Variants in DNTT observed in about 807,000 individuals in gnomAD.
DNTT encodes the protein nucleosidetriphosphate:DNA deoxynucleotidylexotransferase.
Under a neutral mutation model 60.9 loss-of-function variants are expected in DNTT, and 47 were observed. The observed-to-expected ratio is 0.77, with a 90% CI of 0.61 to 0.98. The LOEUF (loss-of-function observed/expected upper bound fraction) is 0.98. DNTT is among the 50% of genes least tolerant of loss of function. The pLI, the probability that DNTT is intolerant of heterozygous loss-of-function variation, is 0.00. For missense variants in DNTT, 665 were observed against 627.5 expected, an observed-to-expected ratio of 1.06 and a Z score of -0.64; for synonymous variants, 224 against 221.2, an observed-to-expected ratio of 1.01 and a Z score of -0.11.
chr10:96,307,703 G>GTATATATATATA lies in DNTT; in HGVS notation c.203+3004_203+3005insATATATATATAT, dbSNP rs1344781767. 1.7e-3 allele frequency among the ~76,000 whole-genome samples: 59 copies of GTATATATATATA among 35,284 alleles called. 2 individuals are homozygous for GTATATATATATA. The highest frequency in any genetic ancestry group is 4.6e-3 in the African/African-American group (53 of 11,562). 23.1% of individuals were successfully genotyped at this position (35,284 alleles called of 152,430 possible). ...TATATATATGTATGTGTGTGTGTGT[G>GTATATATATATA]TGTATATATATATATATATATATAT... On this transcript the variant is annotated intron_variant, in intron 1 of 10. Coordinates refer to ENST00000371174, the MANE Select transcript of DNTT (RefSeq NM_004088.4).
rs76113338 is a variant in DNTT at position 96,335,855 on chromosome 10, C to T, written c.1360-36C>T. The T allele has an allele frequency of 1.2e-3, 1,900 of 1,598,318 alleles. 28 individuals are homozygous for T. In the African/African-American group the frequency reaches 0.022, roughly 19 times the overall value. ...CACCTAATACTGAAGACATTCTAGACGTGTTAATAATTTATTTTAACTATC... is the reference window on the plus strand; with the variant it reads ...CACCTAATACTGAAGACATTCTAGATGTGTTAATAATTTATTTTAACTATC... On this transcript the variant is annotated intron_variant, in intron 9 of 10. Transcript: ENST00000371174.
chr10:96,308,187 G>T (rs1341664914), intron 1 of DNTT, among the ~76,000 whole-genome samples: 1 of 152,082 alleles, frequency 6.6e-6, no homozygotes, highest in African/African-American at 2.4e-5. Context: ...GCTTTACTTG[G>T]GCCTGAACAC....
intron 1 of DNTT, among the ~76,000 whole-genome samples, chr10:96,312,035 A>G (rs1398445309): frequency 6.6e-6 from 1 of 152,248 alleles, no homozygotes; most frequent in Admixed American, 6.5e-5. Flanking sequence ...CTATGATCTG[A>G]GATGCATAAT....
In DNTT at chr10:96,318,363, C is replaced by A; in HGVS notation, c.215C>A (p.Thr72Asn). The stretch of plus-strand genomic sequence containing the variant: ...CTTGCATTTTGCAGTGATTCTGTCA[C>A]CCACATCGTAGCAGAGAACAACTCG... ...RVENELSDSVTHIVAENNSGS... is the reference protein window; with the variant it reads ...RVENELSDSVNHIVAENNSGS... Residue 72 changes from threonine (T) to asparagine (N), a missense_variant, in exon 2 of 11, where the codon ACC (threonine) becomes AAC (asparagine). Coordinates refer to ENST00000371174, the MANE Select transcript of DNTT (RefSeq NM_004088.4). 1 of 1,611,012 alleles carries A rather than the reference C, an allele frequency of 6.2e-7. No homozygotes were observed. Among genetic ancestry groups the A allele is most frequent in the Non-Finnish European group, 8.5e-7 (1 of 1,178,216 alleles).
At chr10:96,328,641 T>C (rs962342004) in intron 7 of DNTT, 84 bp from the exon 8 acceptor site, 4 of 1,354,202 alleles carry the variant, frequency 3.0e-6, no homozygotes, top group Admixed American at 2.1e-5. Flanking sequence ...ATCTTAAGCA[T>C]AGGGCATAGA....
chr10:96,335,467 C>T (rs1038820501), intron 9 of DNTT, among the ~76,000 whole-genome samples: 1 of 152,238 alleles, frequency 6.6e-6, no homozygotes, highest in Admixed American at 6.5e-5. Context: ...AAAGTCCAGG[C>T]TGGAACGGGT....
rs1222752111 is a variant in DNTT at position 96,322,719 on chromosome 10, A to G, written c.741A>G (p.Gln247=). ...VKAVLNDERY[Q]SFKLFTSVFG... is the part of the protein sequence containing the mutation. ...CTGTGTTAAATGATGAACGATATCA[A>G]TCCTTCAAAGTAAGTGATTTTACAT... Residue 247 remains glutamine (Q), a synonymous_variant, in exon 5 of 11, where the codon CAA becomes CAG. Coordinates refer to ENST00000371174, the MANE Select transcript of DNTT (RefSeq NM_004088.4). 1.3e-6 allele frequency: 2 copies of G among 1,594,806 alleles called. No homozygotes were observed. Among genetic ancestry groups the G allele is most frequent in the South Asian group, 1.1e-5 (1 of 88,434 alleles).
chr10:96,336,748 A>AACC (rs1845075111), intron 10 of DNTT, among the ~76,000 whole-genome samples: 1 of 151,974 alleles, frequency 6.6e-6, no homozygotes, highest in Non-Finnish European at 1.5e-5. Context: ...GGAGTTCAAG[A>AACC]TCAGCCAACA....
At chr10:96,311,495 T>C (rs1844713267) in intron 1 of DNTT, among the ~76,000 whole-genome samples, 1 of 152,244 alleles carries the variant, frequency 6.6e-6, no homozygotes, top group Non-Finnish European at 1.5e-5. Context: ...GGGAAATTAT[T>C]GCCTGAGGGA....
intron 1 of DNTT, among the ~76,000 whole-genome samples, chr10:96,305,332 G>T (rs529644127): frequency 1.4e-4 from 21 of 152,322 alleles, no homozygotes; most frequent in African/African-American, 5.1e-4. Context: ...TGTAATCAGA[G>T]CCCAGGCAAG....
At chr10:96,310,132 A>G (rs905460042) in intron 1 of DNTT, among the ~76,000 whole-genome samples, 3 of 152,152 alleles carry the variant, frequency 2.0e-5, no homozygotes, top group Non-Finnish European at 4.4e-5. Context: ...CAACCCCCCT[A>G]CTACCCCTCA....
intron 10 of DNTT, among the ~76,000 whole-genome samples, chr10:96,336,339 G>T (rs1302074467): frequency 2.0e-5 from 3 of 152,142 alleles, no homozygotes; most frequent in Non-Finnish European, 4.4e-5. Context: ...CTCAAATGCA[G>T]GGGGCAGTGG....
At chr10:96,304,868 G>T (rs1042416387) in intron 1 of DNTT, among the ~76,000 whole-genome samples, 168 bp downstream of exon 1, 2 of 152,178 alleles carry the variant, frequency 1.3e-5, no homozygotes, top group Non-Finnish European at 2.9e-5. Context: ...AACGAGATAA[G>T]TGGGGACTGA....
chr10:96,333,395 A>C (rs1039540014), intron 9 of DNTT, among the ~76,000 whole-genome samples: 8 of 152,204 alleles, frequency 5.3e-5, no homozygotes, highest in Admixed American at 2.0e-4. Flanking sequence ...ATTTTGGAAA[A>C]TAGTATGGAA....
Position 96,307,417 on chromosome 10 carries a change from C to T in DNTT, c.203+2717C>T, listed in dbSNP as rs1238593438. Among the ~76,000 whole-genome samples, 13 of 137,352 alleles carry T rather than the reference C, an allele frequency of 9.5e-5. No homozygotes were observed. The Admixed American group carries it at 1.0e-3, about 11-fold the overall frequency. 90.1% of individuals were successfully genotyped at this position (137,352 alleles called of 152,430 possible). A position where few individuals can be genotyped will look rare whatever the true frequency, so the allele number is the denominator to read the frequency against. ...TGTCCCAGGCTGGAGTGCAGTGGCA[C>T]GATCTCGGCTCACTGCAACCTCCAC... is the stretch of plus-strand genomic sequence containing the variant. On this transcript the variant is annotated intron_variant, in intron 1 of 10. Coordinates refer to ENST00000371174, the MANE Select transcript of DNTT (RefSeq NM_004088.4).
intron 1 of DNTT, among the ~76,000 whole-genome samples, chr10:96,317,603 G>A (rs909508140): frequency 1.6e-4 from 25 of 152,150 alleles, no homozygotes; most frequent in Admixed American, 1.6e-3. Context: ...TTTGGGAGGT[G>A]AGTAGGTTAT....
chr10:96,327,360 C>G (rs1844947796), intron 6 of DNTT, 108 bp from the exon 7 acceptor site: 1 of 1,506,716 alleles, frequency 6.6e-7, no homozygotes, highest in African/African-American at 1.4e-5. Context: ...GGTGTTGATG[C>G]CTGTAGTCAT....
At chr10:96,324,582 G>C (rs1002930579) in intron 6 of DNTT, among the ~76,000 whole-genome samples, 193 bp downstream of exon 6, 1 of 152,158 alleles carries the variant, frequency 6.6e-6, no homozygotes, top group Non-Finnish European at 1.5e-5. Flanking sequence ...TAAAACCTTT[G>C]AACCTTAGTT....
chr10:96,314,686 A>G (rs1002014672), intron 1 of DNTT, among the ~76,000 whole-genome samples: 1 of 151,888 alleles, frequency 6.6e-6, no homozygotes, highest in Non-Finnish European at 1.5e-5. Context: ...TGCTGGGATT[A>G]CAGGCATGAG....
Sources: gnomAD v4.1 joint callset for allele counts (sites outside exome capture counted in the v4.1 genomes callset) on GRCh38, gnomAD v4.1.1 for gene constraint, MANE v1.5 for transcripts, NCBI Gene and HGNC (gene_info 2026-07-23, HGNC 2026-07-21) for gene names.